PDE4B: variants seen among roughly 807,000 people sequenced by gnomAD.
PDE4B encodes the protein 3',5'-cyclic-AMP phosphodiesterase 4B.
A neutral mutation model predicts 82.2 loss-of-function variants in PDE4B; 20 were observed. The ratio of observed to expected loss-of-function variants is 0.24; its 90% confidence interval spans 0.17 to 0.35. The LOEUF is 0.35. Ranked by LOEUF, PDE4B falls within the 10% of genes least tolerant of loss-of-function variation. PDE4B has a pLI of 1.00. For missense variants in PDE4B, 655 were observed against 907.2 expected (o/e 0.72, Z 3.57); for synonymous variants, 320 against 318.9 (o/e 1.00, Z -0.04).
At chr1:66,371,127 T>TATAA (rs1206348843) in intron 16 of PDE4B, among the ~76,000 whole-genome samples, 1 of 135,140 alleles carries the variant, frequency 7.4e-6, no homozygotes, top group Non-Finnish European at 1.6e-5. Flanking sequence ...TATATATATA[T>TATAA]ATATATAATT....
chr1:66,245,739 A>G (rs1268690905), intron 3 of PDE4B, among the ~76,000 whole-genome samples: 1 of 152,176 alleles, frequency 6.6e-6, no homozygotes, highest in Non-Finnish European at 1.5e-5. Flanking sequence ...AAGACCAAAC[A>G]TATTGGATTG....
intron 3 of PDE4B, among the ~76,000 whole-genome samples, chr1:65,953,925 G>T (rs1649128602): frequency 6.6e-6 from 1 of 152,052 alleles, no homozygotes; most frequent in African/African-American, 2.4e-5. Context: ...TTAAGATGGA[G>T]TCTCGCTCTG....
At chr1:65,959,076 C>T (rs762258029) in intron 3 of PDE4B, among the ~76,000 whole-genome samples, 1 of 152,174 alleles carries the variant, frequency 6.6e-6, no homozygotes, top group Non-Finnish European at 1.5e-5. Flanking sequence ...TAGGCTAACA[C>T]CGCTGTGCCT....
intron 3 of PDE4B, among the ~76,000 whole-genome samples, chr1:66,049,172 A>C (rs1031478474): frequency 2.5e-4 from 38 of 152,024 alleles, no homozygotes; most frequent in African/African-American, 8.9e-4. Flanking sequence ...CCTGAATCCT[A>C]ATCATGACAA....
rs542736365 is a variant in PDE4B at position 66,117,250 on chromosome 1, T to A, written c.282-130210T>A. On this transcript the variant is annotated intron_variant, in intron 3 of 16. Coordinates refer to ENST00000341517, the MANE Select transcript of PDE4B (RefSeq NM_002600.4). ...GTTTTCTCAAGAAAAGTCTTACTAG[T>A]TGCCAGAAAAAAAAAGTTGATGATC... Among the ~76,000 whole-genome samples, 21 of 151,552 alleles carry A rather than the reference T, an allele frequency of 1.4e-4. 1 individual carries two copies. The South Asian group carries it at 4.1e-3, about 30-fold the overall frequency.
At chr1:66,321,842 C>CAA (rs957888623) in intron 7 of PDE4B, among the ~76,000 whole-genome samples, 12 of 152,114 alleles carry the variant, frequency 7.9e-5, no homozygotes, top group African/African-American at 2.7e-4. Context: ...CATATGGAAC[C>CAA]AAAAAAGAGC....
intron 3 of PDE4B, among the ~76,000 whole-genome samples, chr1:66,218,833 G>T (rs1482322310): frequency 2.0e-5 from 3 of 152,050 alleles, no homozygotes; most frequent in African/African-American, 7.2e-5. Context: ...ATACATTTTG[G>T]TTGGATGGTT....
chr1:65,899,714 A>G (rs966117654), intron 1 of PDE4B, among the ~76,000 whole-genome samples: 2 of 150,438 alleles, frequency 1.3e-5, no homozygotes, highest in African/African-American at 4.9e-5. Flanking sequence ...AAAAGGAATG[A>G]ATTAATGGCA....
At chr1:65,853,046 T>C (rs370875753) in intron 1 of PDE4B, among the ~76,000 whole-genome samples, 1 of 152,152 alleles carries the variant, frequency 6.6e-6, no homozygotes, top group Non-Finnish European at 1.5e-5. Context: ...TTTTTGCCTC[T>C]TGTTTTTTGA....
At chr1:66,055,522 A>G (rs188579995) in intron 3 of PDE4B, among the ~76,000 whole-genome samples, 54 of 152,338 alleles carry the variant, frequency 3.5e-4, no homozygotes, top group Admixed American at 7.8e-4. Flanking sequence ...TTCTTTCAAT[A>G]CTCTGATGAG....
chr1:66,057,461 G>A (rs1655362902), intron 3 of PDE4B, among the ~76,000 whole-genome samples: 1 of 152,114 alleles, frequency 6.6e-6, no homozygotes. Context: ...AAGAATGGAA[G>A]CCTTTTTGAG....
chr1:66,086,772 A>G (rs1052590228), intron 3 of PDE4B, among the ~76,000 whole-genome samples: 1 of 152,168 alleles, frequency 6.6e-6, no homozygotes, highest in African/African-American at 2.4e-5. Context: ...TAGGGCCCAT[A>G]TTAAGTTCTA....
intron 3 of PDE4B, among the ~76,000 whole-genome samples, chr1:65,991,726 G>GCCTGT (rs1557481555): frequency 6.6e-6 from 1 of 151,930 alleles, no homozygotes; most frequent in Non-Finnish European, 1.5e-5. Context: ...TTTTGGACTC[G>GCCTGT]CCTGTCCGTA....
At chr1:65,909,017 A>C (rs1447442952) in intron 1 of PDE4B, among the ~76,000 whole-genome samples, 1 of 152,168 alleles carries the variant, frequency 6.6e-6, no homozygotes, top group African/African-American at 2.4e-5. Flanking sequence ...AGTCCCAGAC[A>C]CTGGCCACTG....
At chr1:65,793,841 TCTC>T (rs1376905725) in intron 1 of PDE4B, among the ~76,000 whole-genome samples, 1 of 152,252 alleles carries the variant, frequency 6.6e-6, no homozygotes, top group Non-Finnish European at 1.5e-5. Flanking sequence ...AGGAAGAGGC[TCTC>T]CTCCTTTCTC....
At chr1:66,034,718 T>C (rs140156081) in intron 3 of PDE4B, among the ~76,000 whole-genome samples, 1 of 152,358 alleles carries the variant, frequency 6.6e-6, no homozygotes, top group East Asian at 1.9e-4. Flanking sequence ...CCCTAGCATG[T>C]CTAGGAACTT....
chr1:65,936,597 T>A (rs560737365), intron 3 of PDE4B, among the ~76,000 whole-genome samples: 1 of 152,342 alleles, frequency 6.6e-6, no homozygotes, highest in South Asian at 2.1e-4. Context: ...CCTGAAGGAC[T>A]TATTGAAACA....
At chr1:66,177,869 A>G (rs918325283) in intron 3 of PDE4B, among the ~76,000 whole-genome samples, 4 of 152,124 alleles carry the variant, frequency 2.6e-5, no homozygotes, top group Non-Finnish European at 5.9e-5. Context: ...GAGTCGATAC[A>G]GGCTTTGGTG....
intron 3 of PDE4B, among the ~76,000 whole-genome samples, chr1:65,996,355 TC>T (rs1034967092): frequency 2.0e-5 from 3 of 151,456 alleles, no homozygotes; most frequent in African/African-American, 7.3e-5. Context: ...TAATCTTTTT[TC>T]CCCTCAGTGG....
Sources: gnomAD v4.1 joint callset for allele counts (sites outside exome capture counted in the v4.1 genomes callset) on GRCh38, gnomAD v4.1.1 for gene constraint, MANE v1.5 for transcripts, NCBI Gene and HGNC (gene_info 2026-07-23, HGNC 2026-07-21) for gene names.